Variants in EXD2 observed in about 807,000 individuals in gnomAD.
EXD2 encodes the protein exonuclease 3'-5' domain containing 2.
Under a neutral mutation model 62.5 loss-of-function variants are expected in EXD2, and 40 were observed. The observed-to-expected ratio is 0.64, with a 90% confidence interval of 0.50 to 0.83. EXD2 has a LOEUF of 0.83. Among genes scored for constraint, EXD2 ranks in the 40% least tolerant of loss-of-function variants. The probability of loss-of-function intolerance (pLI) is 0.00; values close to 1 mark genes in which losing one functional copy is unlikely to be tolerated. For missense variants in EXD2, 671 were observed against 761.8 expected (o/e 0.88, Z 1.40); for synonymous variants, 239 against 291.9 (o/e 0.82, Z 1.85).
At chr14:69,223,594 G>T (rs575092331) in intron 3 of EXD2, among the ~76,000 whole-genome samples, 90 of 152,264 alleles carry the variant, frequency 5.9e-4, no homozygotes, top group South Asian at 2.1e-3. Context: ...CTATAATGAG[G>T]TATAACTGTG....
At position 69,237,613 on chromosome 14, in the gene EXD2, C is replaced by G. The variant is rs143178978; in HGVS notation, c.1331C>G (p.Pro444Arg). Residue 444 changes from proline to arginine, a missense_variant, in exon 9 of 10, where the codon CCC becomes CGC. Physicochemically the swap from Pro to Arg is moderately radical, Grantham distance 103. Transcript: ENST00000685843. ...CCACATGAGTACCGGAAGCACTTCCCCATCGAGATGAAGGACCACAACTCC... is the reference window on the plus strand; with the variant it reads ...CCACATGAGTACCGGAAGCACTTCCGCATCGAGATGAAGGACCACAACTCC... Reference protein sequence around the residue: ...VIPHEYRKHFPIEMKDHNSHD... With the variant: ...VIPHEYRKHFRIEMKDHNSHD... The G allele has an allele frequency of 2.9e-5, 47 of 1,614,122 alleles. No homozygotes were observed. The highest frequency in any genetic ancestry group is 3.9e-5 in the Non-Finnish European group (46 of 1,180,038).
chr14:69,198,095 C>T (rs907186865), intron 1 of EXD2, among the ~76,000 whole-genome samples: 3 of 152,072 alleles, frequency 2.0e-5, no homozygotes, highest in African/African-American at 4.8e-5. Context: ...CTTTCCTAGA[C>T]TTGTGTATGT....
chr14:69,237,659 C>A lies in EXD2; in HGVS notation c.1377C>A (p.Cys459Ter), dbSNP rs746887206. ...ACTCCCACGATGTGCTGCTGCTCTG[C>A]ACCTCCTGCCATGCCATTTCCAACT... ...DHNSHDVLLL[C>*]TSCHAISNYY... Residue 459 changes from cysteine (C) to a stop codon, truncating the protein, a stop_gained, in exon 9 of 10, where the codon TGC (cysteine) becomes TGA (stop). Coordinates refer to ENST00000685843, the MANE Select transcript of EXD2 (RefSeq NM_001193360.2). LOFTEE classifies it high-confidence loss of function. 6.2e-7 allele frequency: 1 copy of A among 1,614,234 alleles called. No individual in the cohort carries two copies. The highest frequency in any genetic ancestry group is 8.5e-7 in the Non-Finnish European group (1 of 1,180,046).
chr14:69,201,181 G>C (rs974560687), intron 1 of EXD2, among the ~76,000 whole-genome samples: 1 of 151,596 alleles, frequency 6.6e-6, no homozygotes, highest in African/African-American at 2.4e-5. Flanking sequence ...ATCTTACGTT[G>C]GTTTTTTTTG....
chr14:69,228,185 C>CTTTTTT (rs35695329), intron 3 of EXD2, among the ~76,000 whole-genome samples: 3 of 80,532 alleles, frequency 3.7e-5, no homozygotes, highest in Non-Finnish European at 6.4e-5. Flanking sequence ...TTTCCTTAGC[C>CTTTTTT]TTTTTTTTTT....
rs1390627427 is a variant in EXD2 at position 69,240,947 on chromosome 14, C to T, written c.1713C>T (p.Gly571=). The T allele has an allele frequency of 6.2e-7, 1 of 1,613,644 alleles. No homozygotes were observed. Among genetic ancestry groups the T allele is most frequent in the Non-Finnish European group, 8.5e-7 (1 of 1,180,026 alleles). The change falls in exon 10 of 10, where the codon GGC becomes GGT. Residue 571 remains glycine (G), a synonymous_variant. Transcript: ENST00000685843. Reference sequence around the variant, plus strand: ...TGGTGCAGTGTCACAGCCAGGGTGGCCTGCGCTCCCTCATGCAGCTGGAGA... The same window carrying T: ...TGGTGCAGTGTCACAGCCAGGGTGGTCTGCGCTCCCTCATGCAGCTGGAGA... ...LKVVQCHSQG[G]LRSLMQLESR... is the part of the protein sequence containing the mutation.
In EXD2 at chr14:69,237,555, T is replaced by G. The variant is rs770908187; in HGVS notation, c.1293-20T>G. ...TGTCATACACTTATGAGCGCTGCTT[T>G]CCGGCTGGGCTTGTTCCAGGAAGAA... is the stretch of plus-strand genomic sequence containing the variant. On this transcript the variant is annotated intron_variant, in intron 8 of 9. Coordinates refer to ENST00000685843, the MANE Select transcript of EXD2 (RefSeq NM_001193360.2). 1.2e-6 allele frequency: 2 copies of G among 1,612,318 alleles called. No homozygotes were observed. Among genetic ancestry groups the G allele is most frequent in the South Asian group, 2.2e-5 (2 of 91,068 alleles).
chr14:69,239,649 C>A (rs2043916704), intron 9 of EXD2, among the ~76,000 whole-genome samples: 1 of 152,170 alleles, frequency 6.6e-6, no homozygotes, highest in South Asian at 2.1e-4. Flanking sequence ...TTTAAAAAAT[C>A]TTTCAGGGTT....
chr14:69,241,033 C>G lies in EXD2; in HGVS notation c.1799C>G (p.Ser600Ter). The G allele has an allele frequency of 6.2e-7, 1 of 1,613,002 alleles. No homozygotes were observed. Among genetic ancestry groups the G allele is most frequent in the Non-Finnish European group, 8.5e-7 (1 of 1,180,038 alleles). ...MQPKHLPQQW[S>*]VDHNHQKLLR... ...CCCAAGCACCTGCCCCAGCAGTGGTCAGTGGACCACAACCATCAGAAGCTG... is the reference window on the plus strand; with the variant it reads ...CCCAAGCACCTGCCCCAGCAGTGGTGAGTGGACCACAACCATCAGAAGCTG... The change falls in exon 10 of 10, where the codon TCA (serine) becomes TGA (stop). Residue 600 changes from serine to a stop codon, truncating the protein, a stop_gained. Coordinates refer to ENST00000685843, the MANE Select transcript of EXD2 (RefSeq NM_001193360.2). LOFTEE classifies it high-confidence loss of function.
chr14:69,229,615 T>G (rs533052942), intron 4 of EXD2, among the ~76,000 whole-genome samples: 1 of 152,346 alleles, frequency 6.6e-6, no homozygotes, highest in Admixed American at 6.5e-5. Flanking sequence ...GAGCCTGCTT[T>G]AGGCCAAAAA....
At chr14:69,193,848 T>C in intron 1 of EXD2, among the ~76,000 whole-genome samples, 1 of 152,150 alleles carries the variant, frequency 6.6e-6, no homozygotes. Flanking sequence ...TTTGTTCCAC[T>C]AGGATGGTGC....
At chr14:69,227,980 A>G (rs1204520590) in intron 3 of EXD2, 4 of 152,010 alleles carry the variant, frequency 2.6e-5, no homozygotes, top group Admixed American at 6.6e-5. Context: ...CTGAGAAAGC[A>G]CTTGGTGCTA....
At position 69,209,529 on chromosome 14, in the gene EXD2, G is replaced by A; in HGVS notation, c.59G>A (p.Gly20Glu). 1 of 1,550,530 alleles carries A rather than the reference G, an allele frequency of 6.4e-7. No individual in the cohort carries two copies. Among genetic ancestry groups the A allele is most frequent in the Non-Finnish European group, 8.7e-7 (1 of 1,146,946 alleles). ...ACTACCCTTCTGGGTGTGGCTGTAG[G>A]GGGGTTTGTCCTCTGGAAAGGCATC... ...TVTTLLGVAV[G>E]GFVLWKGIQR... The change falls in exon 3 of 10, where the codon GGG (glycine) becomes GAG (glutamate). Residue 20 changes from glycine to glutamate, a missense_variant. Physicochemically the swap from Gly to Glu is moderately conservative, Grantham distance 98 (BLOSUM62 -2). Transcript: ENST00000685843.
At chr14:69,203,499 T>C (rs2042478234) in intron 1 of EXD2, among the ~76,000 whole-genome samples, 1 of 151,866 alleles carries the variant, frequency 6.6e-6, no homozygotes, top group African/African-American at 2.4e-5. Context: ...ATAAGGGGAG[T>C]CTCAGAGCTC....
chr14:69,218,035 T>C (rs897459910), intron 3 of EXD2, among the ~76,000 whole-genome samples: 1 of 152,246 alleles, frequency 6.6e-6, no homozygotes, highest in Non-Finnish European at 1.5e-5. Flanking sequence ...TTTATAATCC[T>C]TTGGGTATAT....
At chr14:69,236,238 G>T in intron 7 of EXD2, 86 bp downstream of exon 7, 1 of 1,500,540 alleles carries the variant, frequency 6.7e-7, no homozygotes, top group South Asian at 1.1e-5. Flanking sequence ...GAAGAGGGAG[G>T]GATAGAAGAA....
intron 2 of EXD2, among the ~76,000 whole-genome samples, chr14:69,206,959 T>G (rs1167871874): frequency 4.6e-5 from 7 of 152,208 alleles, no homozygotes; most frequent in Admixed American, 6.5e-5. Flanking sequence ...TAATCAGCAG[T>G]TTCTCTACAC....
intron 7 of EXD2, 64 bp from the exon 8 acceptor site, chr14:69,236,343 T>C (rs2043785132): frequency 6.2e-7 from 1 of 1,612,176 alleles, no homozygotes; most frequent in Non-Finnish European, 8.5e-7. Context: ...AAGGTAGTGC[T>C]GCTTCTTGGG....
chr14:69,206,217 A>C (rs553509044), intron 2 of EXD2, among the ~76,000 whole-genome samples: 4 of 152,038 alleles, frequency 2.6e-5, no homozygotes, highest in Admixed American at 2.6e-4. Flanking sequence ...CACTGCACCC[A>C]GCTGAGGAAT....
Sources: gnomAD v4.1 joint callset for allele counts (sites outside exome capture counted in the v4.1 genomes callset) on GRCh38, gnomAD v4.1.1 for gene constraint, MANE v1.5 for transcripts, NCBI Gene and HGNC (gene_info 2026-07-23, HGNC 2026-07-21) for gene names.